The following FKBP1A variants were observed in gnomAD, a reference collection of about 807,000 sequenced individuals.
The protein encoded by FKBP1A is FKBP prolyl isomerase 1A, also known as peptidyl-prolyl cis-trans isomerase FKBP1A.
In FKBP1A, 5 loss-of-function variants were observed where a neutral mutation model predicts 14.2. That is an observed-to-expected ratio of 0.35 (90% CI 0.18 to 0.74). The LOEUF is 0.74. Ranked by LOEUF, FKBP1A falls within the 30% of genes least tolerant of loss-of-function variation. The pLI, the probability that FKBP1A is intolerant of heterozygous loss-of-function variation, is 0.56. For synonymous variants in FKBP1A, 42 were observed against 49.1 expected, an observed-to-expected ratio of 0.86 and a Z score of 0.60; for missense variants, 53 against 138.8, an observed-to-expected ratio of 0.38 and a Z score of 3.10.
chr20:1,370,347 T>A, intron 4 of FKBP1A: 1 of 985,474 alleles, frequency 1.0e-6, no homozygotes, highest in Non-Finnish European at 1.2e-6. Context: ...CCACCCATGC[T>A]GCTGACAATA....
intron 4 of FKBP1A, 81 bp from the exon 5 acceptor site, chr20:1,370,153 C>T: frequency 6.6e-7 from 1 of 1,517,550 alleles, no homozygotes; most frequent in Non-Finnish European, 8.8e-7. Context: ...ATGCCATCTG[C>T]CACGCCAAAT....
At chr20:1,372,323 G>T in intron 3 of FKBP1A, 83 bp from the exon 4 acceptor site, 4 of 1,471,172 alleles carry the variant, frequency 2.7e-6, no homozygotes, top group Non-Finnish European at 3.8e-6. Flanking sequence ...TTACCTAGGT[G>T]TTCCTTGGCC....
rs1415702008 is a variant in FKBP1A at position 1,372,256 on chromosome 20, G to A, written c.199-16C>T. ...CCACACTCATCTGTGAAAAGAACAA[G>A]GAAGACAGACTCAGCTGGACACATG... On this transcript the variant is annotated splice_polypyrimidine_tract_variant and intron_variant, in intron 3 of 4. Coordinates refer to ENST00000400137, the MANE Select transcript of FKBP1A (RefSeq NM_000801.5). 2.5e-6 allele frequency: 4 copies of A among 1,613,108 alleles called. No homozygotes were observed. Among genetic ancestry groups the A allele is most frequent in the Non-Finnish European group, 3.4e-6 (4 of 1,179,532 alleles).
chr20:1,372,664 CAGGA>C (rs972773114), intron 3 of FKBP1A, among the ~76,000 whole-genome samples: 3 of 152,128 alleles, frequency 2.0e-5, no homozygotes, highest in African/African-American at 7.2e-5. Context: ...AATATATACA[CAGGA>C]AGTAATACTT....
At chr20:1,374,515 T>C (rs919469443) in intron 3 of FKBP1A, 2 of 152,260 alleles carry the variant, frequency 1.3e-5, no homozygotes, top group African/African-American at 2.4e-5. Flanking sequence ...ACTGTGATGC[T>C]GGGGCTGGGA....
intron 2 of FKBP1A, among the ~76,000 whole-genome samples, chr20:1,385,393 A>G (rs1463803624): frequency 1.3e-5 from 2 of 152,168 alleles, no homozygotes; most frequent in African/African-American, 4.8e-5. Context: ...CCATCTCCAA[A>G]AAAATCAAAA....
chr20:1,378,730 G>C (rs2089582046), intron 2 of FKBP1A: 1 of 152,194 alleles, frequency 6.6e-6, no homozygotes, highest in South Asian at 2.1e-4. Context: ...AGTCTGCTTT[G>C]CCTTAGGTTG....
chr20:1,369,423 C>T lies in FKBP1A; in HGVS notation c.*686G>A, dbSNP rs1321956679. ...ACAAAGAAGGCTTCAGAGGTCCCTG[C>T]TGGCCCAGGGACAGATACCTGTAGT... On this transcript the variant is annotated 3_prime_UTR_variant, in exon 5 of 5. Transcript: ENST00000400137. 6.2e-6 allele frequency: 1 copy of T among 160,502 alleles called. No homozygotes were observed. Among genetic ancestry groups the T allele is most frequent in the African/African-American group, 2.5e-5 (1 of 39,392 alleles). 9.9% of individuals were successfully genotyped at this position (160,502 alleles called of 1,614,324 possible).
intron 4 of FKBP1A, 102 bp from the exon 5 acceptor site, chr20:1,370,174 A>G: frequency 6.7e-7 from 1 of 1,494,258 alleles, no homozygotes; most frequent in Non-Finnish European, 8.9e-7. Context: ...CCCTTCCCCA[A>G]CAGCTGAGCA....
Position 1,375,609 on chromosome 20 carries a change from A to G in FKBP1A, c.86-6T>C, listed in dbSNP as rs1280090193. The G allele has an allele frequency of 3.1e-6, 5 of 1,594,982 alleles. No individual in the cohort carries two copies. Among genetic ancestry groups the G allele is most frequent in the Non-Finnish European group, 8.6e-7 (1 of 1,162,622 alleles). On this transcript the variant is annotated splice_polypyrimidine_tract_variant and splice_region_variant and intron_variant, in intron 2 of 4. Coordinates refer to ENST00000400137, the MANE Select transcript of FKBP1A (RefSeq NM_000801.5). ...CTTTCCATCTTCAAGCATCCCTGTG[A>G]AAAAGACGACTGTAACATGAGCAGC... is the stretch of plus-strand genomic sequence containing the variant.
chr20:1,383,943 C>T (rs534713530), intron 2 of FKBP1A, among the ~76,000 whole-genome samples: 59 of 152,138 alleles, frequency 3.9e-4, no homozygotes, highest in South Asian at 6.2e-4. Context: ...CCCAGATGGG[C>T]GTATGGCTCA....
At chr20:1,382,117 T>C (rs2089623699) in intron 2 of FKBP1A, among the ~76,000 whole-genome samples, 1 of 152,200 alleles carries the variant, frequency 6.6e-6, no homozygotes, top group Non-Finnish European at 1.5e-5. Context: ...GAATGAAAAG[T>C]GCTTCCTCTC....
chr20:1,388,907 C>CG (rs1568592936), intron 2 of FKBP1A, among the ~76,000 whole-genome samples: 3 of 152,154 alleles, frequency 2.0e-5, no homozygotes, highest in African/African-American at 7.2e-5. Flanking sequence ...TCTAACGCAC[C>CG]GGTCTTCTTA....
At chr20:1,371,270 T>C in intron 4 of FKBP1A, 2 of 922,580 alleles carry the variant, frequency 2.2e-6, no homozygotes, top group Non-Finnish European at 2.6e-6. Context: ...ATACTGAGTT[T>C]AGTTCCTAAG....
chr20:1,370,346 C>A (rs1430258309), intron 4 of FKBP1A: 6 of 985,338 alleles, frequency 6.1e-6, no homozygotes, highest in Non-Finnish European at 7.2e-6. Context: ...GCCACCCATG[C>A]TGCTGACAAT....
chr20:1,392,250 T>C (rs1049885838), intron 2 of FKBP1A, among the ~76,000 whole-genome samples: 14 of 151,974 alleles, frequency 9.2e-5, no homozygotes, highest in African/African-American at 3.4e-4. Flanking sequence ...CAGCTCTACT[T>C]CCCCCAAGGC....
intron 4 of FKBP1A, 51 bp downstream of exon 4, chr20:1,372,025 C>A: frequency 1.3e-6 from 2 of 1,579,994 alleles, no homozygotes; most frequent in Non-Finnish European, 1.7e-6. Flanking sequence ...CTGGGCATAA[C>A]ATGGGAGGAG....
intron 2 of FKBP1A, among the ~76,000 whole-genome samples, chr20:1,383,661 C>T (rs1049035692): frequency 7.0e-6 from 1 of 143,548 alleles, no homozygotes; most frequent in African/African-American, 2.6e-5. Flanking sequence ...ACTCATGTCC[C>T]CAATCCTGTT....
At chr20:1,392,513 T>C (rs2089750927) in intron 2 of FKBP1A, among the ~76,000 whole-genome samples, 1 of 152,146 alleles carries the variant, frequency 6.6e-6, no homozygotes, top group Non-Finnish European at 1.5e-5. Flanking sequence ...CTTGGGAAAG[T>C]GACTTCGCCT....
Sources: gnomAD v4.1 joint callset for allele counts (sites outside exome capture counted in the v4.1 genomes callset) on GRCh38, gnomAD v4.1.1 for gene constraint, MANE v1.5 for transcripts, NCBI Gene and HGNC (gene_info 2026-07-23, HGNC 2026-07-21) for gene names.